Variants in TSPEAR observed in about 807,000 individuals in gnomAD.
TSPEAR encodes the protein thrombospondin type laminin G domain and EAR repeats.
A neutral mutation model predicts 71.6 loss-of-function variants in TSPEAR; 69 were observed. The ratio of observed to expected loss-of-function variants is 0.96; its 90% CI spans 0.79 to 1.18. The LOEUF is 1.18. Among genes scored for constraint, TSPEAR ranks in the 50% most tolerant of loss-of-function variants. The pLI, the probability that TSPEAR is intolerant of heterozygous loss-of-function variation, is 0.00. For synonymous variants in TSPEAR, 402 were observed against 387.2 expected (o/e 1.04, Z -0.45); for missense variants, 971 against 894.9 (o/e 1.09, Z -1.09).
intron 1 of TSPEAR, among the ~76,000 whole-genome samples, chr21:44,588,599 C>T (rs949158207): frequency 6.6e-5 from 10 of 151,030 alleles, no homozygotes; most frequent in South Asian, 2.1e-4. Context: ...CAGCACAATT[C>T]GCAATTGCAA....
At chr21:44,604,083 C>G (rs956049368) in intron 1 of TSPEAR, among the ~76,000 whole-genome samples, 3 of 152,320 alleles carry the variant, frequency 2.0e-5, no homozygotes, top group Admixed American at 2.0e-4. Context: ...GGAGAGATGT[C>G]TGCCACTTCC....
At chr21:44,694,037 G>A (rs948460772) in intron 1 of TSPEAR, among the ~76,000 whole-genome samples, 2 of 152,126 alleles carry the variant, frequency 1.3e-5, no homozygotes, top group Non-Finnish European at 2.9e-5. Context: ...CATAAGGATA[G>A]ACACAAAAAG....
intron 1 of TSPEAR, among the ~76,000 whole-genome samples, chr21:44,635,700 T>G (rs1380215086): frequency 6.6e-6 from 1 of 152,180 alleles, no homozygotes; most frequent in Admixed American, 6.5e-5. Flanking sequence ...TCGGGAGCGA[T>G]GATAGTATTC....
At chr21:44,599,778 A>G (rs1980653508) in intron 1 of TSPEAR, among the ~76,000 whole-genome samples, 1 of 152,244 alleles carries the variant, frequency 6.6e-6, no homozygotes, top group Non-Finnish European at 1.5e-5. Flanking sequence ...GGGGTGACCA[A>G]GGACTTAGCT....
intron 3 of TSPEAR, among the ~76,000 whole-genome samples, chr21:44,533,378 T>C (rs1384109939): frequency 1.3e-5 from 2 of 152,114 alleles, no homozygotes; most frequent in African/African-American, 4.8e-5. Flanking sequence ...CATGAATGGC[T>C]CTTGCCCCCT....
chr21:44,685,547 G>A (rs1555948799), intron 1 of TSPEAR, among the ~76,000 whole-genome samples: 1 of 152,116 alleles, frequency 6.6e-6, no homozygotes, highest in African/African-American at 2.4e-5. Flanking sequence ...TGCAGAGGAG[G>A]TGTCCTGTGG....
chr21:44,517,643 A>C (rs1170452766), intron 9 of TSPEAR: 1 of 404,662 alleles, frequency 2.5e-6, no homozygotes, highest in Non-Finnish European at 5.1e-6. Flanking sequence ...GTCTGACTTG[A>C]TATGAGAACT....
chr21:44,608,054 A>C (rs973845102), intron 1 of TSPEAR, among the ~76,000 whole-genome samples: 5 of 152,178 alleles, frequency 3.3e-5, no homozygotes, highest in Admixed American at 1.3e-4. Context: ...GGGCAGAGTC[A>C]GGAGGGGTGG....
At chr21:44,662,544 T>A (rs114655826) in intron 1 of TSPEAR, among the ~76,000 whole-genome samples, 3,059 of 152,284 alleles carry the variant, frequency 0.02, 109 homozygotes, top group African/African-American at 0.07. Flanking sequence ...TCATTGGACT[T>A]CAGCTTCAAG....
In TSPEAR at chr21:44,529,784, G is replaced by GC; in HGVS notation, c.790+13dup. Reference sequence around the variant, plus strand: ...TCTGCCTTTGGTGTGGGGGCGGGTGGCCCCCCTACTAACCATAGGGATATT... The same window carrying GC: ...TCTGCCTTTGGTGTGGGGGCGGGTGGCCCCCCCTACTAACCATAGGGATATT... On this transcript the variant is annotated intron_variant, in intron 5 of 11. Coordinates refer to ENST00000323084, the MANE Select transcript of TSPEAR (RefSeq NM_144991.3). 4 of 1,613,198 alleles carry GC rather than the reference G, an allele frequency of 2.5e-6. No individual in the cohort carries two copies. The highest frequency in any genetic ancestry group is 1.7e-4 in the Middle Eastern group (1 of 6,058).
intron 1 of TSPEAR, among the ~76,000 whole-genome samples, chr21:44,608,645 C>T (rs1555930263): frequency 6.6e-6 from 1 of 152,210 alleles, no homozygotes; most frequent in Non-Finnish European, 1.5e-5. Flanking sequence ...CAATGAGTGG[C>T]TTTACTCATC....
chr21:44,527,883 A>T (rs1341205546), intron 6 of TSPEAR, among the ~76,000 whole-genome samples: 1 of 152,188 alleles, frequency 6.6e-6, no homozygotes, highest in Non-Finnish European at 1.5e-5. Flanking sequence ...TGTCTGGAGC[A>T]TCTATCGCCA....
chr21:44,525,353 G>A (rs1184304785), intron 8 of TSPEAR, among the ~76,000 whole-genome samples: 5 of 152,060 alleles, frequency 3.3e-5, no homozygotes, highest in African/African-American at 1.2e-4. Flanking sequence ...AGTGAGTTAG[G>A]TAGTTAATCA....
chr21:44,514,393 T>C (rs184860394), intron 9 of TSPEAR, among the ~76,000 whole-genome samples: 1 of 151,240 alleles, frequency 6.6e-6, no homozygotes, highest in South Asian at 2.1e-4. Context: ...AGTGTGCATG[T>C]ACATGTGTGT....
At chr21:44,574,982 C>A (rs782125766) in intron 1 of TSPEAR, 67 of 1,611,498 alleles carry the variant, frequency 4.2e-5, no homozygotes, top group Non-Finnish European at 5.7e-5. Context: ...TGTGCTCCCG[C>A]CCAGCCTGCT....
chr21:44,598,028 C>T (rs1980482551), intron 1 of TSPEAR, among the ~76,000 whole-genome samples: 2 of 152,168 alleles, frequency 1.3e-5, no homozygotes, highest in African/African-American at 4.8e-5. Flanking sequence ...TCTCTTCAAA[C>T]AGGCTGCTCA....
intron 1 of TSPEAR, among the ~76,000 whole-genome samples, chr21:44,633,813 G>C (rs976012986): frequency 1.3e-5 from 2 of 151,996 alleles, no homozygotes; most frequent in African/African-American, 4.8e-5. Flanking sequence ...TTAATCAGTG[G>C]AAGTGACTTA....
intron 9 of TSPEAR, among the ~76,000 whole-genome samples, chr21:44,512,672 G>C (rs233227): frequency 6.6e-6 from 1 of 152,154 alleles, no homozygotes; most frequent in Non-Finnish European, 1.5e-5. Flanking sequence ...TGCCTCCAGG[G>C]CAGGGATTGT....
chr21:44,656,249 G>A (rs1430055010), intron 1 of TSPEAR, among the ~76,000 whole-genome samples: 2 of 152,208 alleles, frequency 1.3e-5, no homozygotes, highest in African/African-American at 4.8e-5. Context: ...ATATTTATCT[G>A]CTCCTTTACC....
Sources: gnomAD v4.1 joint callset for allele counts (sites outside exome capture counted in the v4.1 genomes callset) on GRCh38, gnomAD v4.1.1 for gene constraint, MANE v1.5 for transcripts, NCBI Gene and HGNC (gene_info 2026-07-23, HGNC 2026-07-21) for gene names.